The following CDCA2 variants were observed in gnomAD, a reference collection of about 807,000 sequenced individuals.
The protein encoded by CDCA2 is cell division cycle associated 2, also known as cell division cycle-associated protein 2.
A neutral mutation model predicts 67.0 loss-of-function variants in CDCA2; 44 were observed. The ratio of observed to expected loss-of-function variants is 0.66; its 90% CI spans 0.52 to 0.84. CDCA2 has a LOEUF of 0.84. Among genes scored for constraint, CDCA2 ranks in the 40% least tolerant of loss-of-function variants. The pLI is 0.00. For synonymous variants in CDCA2, 447 were observed against 418.7 expected, an observed-to-expected ratio of 1.07 and a Z score of -0.82; for missense variants, 1,253 against 1,203.2, an observed-to-expected ratio of 1.04 and a Z score of -0.61.
At chr8:25,472,722 T>A (rs921687845) in intron 7 of CDCA2, among the ~76,000 whole-genome samples, 4 of 152,316 alleles carry the variant, frequency 2.6e-5, no homozygotes, top group African/African-American at 7.2e-5. Flanking sequence ...ATTACTATTA[T>A]TTTTGAATGA....
chr8:25,484,241 C>T (rs1803680277), intron 10 of CDCA2, 31 bp downstream of exon 10: 1 of 1,606,108 alleles, frequency 6.2e-7, no homozygotes, highest in South Asian at 1.1e-5. Context: ...ACAAGCTTGC[C>T]ATATGTATTT....
rs760013190 is a variant in CDCA2, at chr8:25,466,206, C to T, written c.419C>T (p.Thr140Ile). The change falls in exon 5 of 15, where the codon ACT (threonine) becomes ATT (isoleucine). Residue 140 changes from threonine to isoleucine, a missense_variant. Coordinates refer to ENST00000330560, the MANE Select transcript of CDCA2 (RefSeq NM_152562.4). ...GSPALYRNVNTLRERISAFQS... is the reference protein window; with the variant it reads ...GSPALYRNVNILRERISAFQS... ...CCTGCACTGTATCGAAATGTTAACA[C>T]TTTAAGAGAACGAATATCAGCCTTC... is the stretch of plus-strand genomic sequence containing the variant. 36 of 1,611,334 alleles carry T rather than the reference C, an allele frequency of 2.2e-5. No homozygotes were observed. The highest frequency in any genetic ancestry group is 3.0e-5 in the Non-Finnish European group (35 of 1,179,434).
At chr8:25,487,424 C>T (rs895657126) in intron 12 of CDCA2, 90 bp downstream of exon 12, 1 of 850,792 alleles carries the variant, frequency 1.2e-6, no homozygotes, top group Non-Finnish European at 1.9e-6. Context: ...TGGGTGAAAT[C>T]TTAGTTTAAT....
Position 25,507,161 on chromosome 8 carries a change from G to A in CDCA2, c.2495G>A (p.Arg832His), listed in dbSNP as rs765086906. Reference sequence around the variant, plus strand: ...TGCAGAGACAGGAAAGATAGAAGACGTTCCATGTGTTATTCTGATGGTCGA... The same window carrying A: ...TGCAGAGACAGGAAAGATAGAAGACATTCCATGTGTTATTCTGATGGTCGA... ...VSCRDRKDRR[R>H]SMCYSDGRSL... is the part of the protein sequence containing the mutation. The change falls in exon 15 of 15, where the codon CGT becomes CAT. Residue 832 changes from arginine (R) to histidine (H), a missense_variant. Arg to His is a conservative substitution (Grantham distance 29). Transcript: ENST00000330560. 7.4e-6 allele frequency: 12 copies of A among 1,614,004 alleles called. No homozygotes were observed. Among genetic ancestry groups the A allele is most frequent in the African/African-American group, 2.7e-5 (2 of 74,904 alleles).
At chr8:25,488,287 G>A (rs180930457) in intron 12 of CDCA2, among the ~76,000 whole-genome samples, 39 of 152,182 alleles carry the variant, frequency 2.6e-4, no homozygotes, top group Non-Finnish European at 4.9e-4. Context: ...ATAAATTAAC[G>A]AATTCTTAAG....
At chr8:25,460,652 G>A (rs1802646517) in intron 3 of CDCA2, 98 bp downstream of exon 3, 18 of 1,304,892 alleles carry the variant, frequency 1.4e-5, no homozygotes, top group Non-Finnish European at 1.9e-5. Flanking sequence ...TCATATTTTA[G>A]GTACCTAAAT....
intron 13 of CDCA2, among the ~76,000 whole-genome samples, chr8:25,496,203 T>A (rs2117540160): frequency 1.3e-5 from 2 of 152,342 alleles, no homozygotes; most frequent in South Asian, 4.1e-4. Context: ...TCAAGGGACT[T>A]ACACTGACCA....
chr8:25,494,698 A>G (rs1366314556), intron 13 of CDCA2, among the ~76,000 whole-genome samples: 1 of 152,214 alleles, frequency 6.6e-6, no homozygotes, highest in Non-Finnish European at 1.5e-5. Context: ...GTCCCTTCCC[A>G]AATTTATATA....
Position 25,488,564 on chromosome 8 carries a change from G to A in CDCA2, c.1546G>A (p.Val516Ile). Residue 516 changes from valine to isoleucine, a missense_variant, in exon 13 of 15, where the codon GTT (valine) becomes ATT (isoleucine). Transcript: ENST00000330560. ...ACTTTCTTTATAGCAATTGGTCAGT[G>A]TTGTAGAAGAGAGTGTTTGCAACTT... ...TSNRRNQLVS[V>I]VEESVCNLLN... The A allele has an allele frequency of 6.2e-7, 1 of 1,609,434 alleles. No homozygotes were observed. Among genetic ancestry groups the A allele is most frequent in the Non-Finnish European group, 8.5e-7 (1 of 1,178,588 alleles).
At chr8:25,461,970 T>C (rs1802708996) in intron 3 of CDCA2, 84 bp from the exon 4 acceptor site, 6 of 1,334,098 alleles carry the variant, frequency 4.5e-6, no homozygotes, top group Middle Eastern at 1.9e-4. Context: ...GTTTTCTCTC[T>C]CAGGCTGGTA....
chr8:25,460,638 A>G, intron 3 of CDCA2, 84 bp downstream of exon 3: 1 of 1,410,464 alleles, frequency 7.1e-7, no homozygotes, highest in South Asian at 1.4e-5. Flanking sequence ...GTTTATACGT[A>G]CTGTCATATT....
chr8:25,487,057 C>T (rs1160267373), intron 11 of CDCA2, among the ~76,000 whole-genome samples, 189 bp from the exon 12 acceptor site: 1 of 136,232 alleles, frequency 7.3e-6, no homozygotes, highest in Admixed American at 8.1e-5. Flanking sequence ...TCTGAGTATC[C>T]AGTAAACTTA....
In CDCA2 at chr8:25,488,300, G is replaced by GT. The variant is rs1401267907; in HGVS notation, c.1534-246dup. On this transcript the variant is annotated intron_variant, in intron 12 of 14. Transcript: ENST00000330560. ...GAATAAATTAACGAATTCTTAAGCT[G>GT]TTTTTTCTTTCTTCCCTAATATAAT... Among the ~76,000 whole-genome samples the GT allele has an allele frequency of 2.0e-5, 3 of 152,112 alleles. 1 individual carries two copies. Among genetic ancestry groups the GT allele is most frequent in the Admixed American group, 2.0e-4 (3 of 15,284 alleles).
chr8:25,507,315 G>A lies in CDCA2; in HGVS notation c.2649G>A (p.Arg883=). The A allele has an allele frequency of 6.2e-7, 1 of 1,614,068 alleles. No homozygotes were observed. The highest frequency in any genetic ancestry group is 8.5e-7 in the Non-Finnish European group (1 of 1,180,010). ...LSDAIEQTFQ[R]RNSETKVRRS... ...ATGCCATTGAGCAAACCTTTCAGAGGAGAAATAGTGAAACCAAAGTGCGAC... is the reference window on the plus strand; with the variant it reads ...ATGCCATTGAGCAAACCTTTCAGAGAAGAAATAGTGAAACCAAAGTGCGAC... The change falls in exon 15 of 15, where the codon AGG becomes AGA. Residue 883 remains arginine (R), a synonymous_variant. Coordinates refer to ENST00000330560, the MANE Select transcript of CDCA2 (RefSeq NM_152562.4).
intron 14 of CDCA2, among the ~76,000 whole-genome samples, chr8:25,504,569 A>T (rs1378262827): frequency 6.6e-6 from 1 of 152,204 alleles, no homozygotes; most frequent in Non-Finnish European, 1.5e-5. Flanking sequence ...AATAGACTTG[A>T]GGATGAATGA....
In CDCA2 at chr8:25,507,413, C is replaced by A; in HGVS notation, c.2747C>A (p.Ser916Tyr). 1 of 1,613,968 alleles carries A rather than the reference C, an allele frequency of 6.2e-7. No homozygotes were observed. The highest frequency in any genetic ancestry group is 1.3e-5 in the African/African-American group (1 of 75,022). Residue 916 changes from serine to tyrosine, a missense_variant, in exon 15 of 15, where the codon TCC becomes TAC. Coordinates refer to ENST00000330560, the MANE Select transcript of CDCA2 (RefSeq NM_152562.4). ...ATTTCACTTCCACTTCCTTCCACTT[C>A]CCAAAAAGCCAAAAGAAGAACAATA... is the stretch of plus-strand genomic sequence containing the variant. ...VWISLPLPSTSQKAKRRTICT... is the reference protein window; with the variant it reads ...VWISLPLPSTYQKAKRRTICT...
intron 4 of CDCA2, among the ~76,000 whole-genome samples, chr8:25,463,901 C>T (rs978163862): frequency 3.3e-5 from 5 of 152,210 alleles, no homozygotes; most frequent in Non-Finnish European, 5.9e-5. Context: ...AAGGCCTTGG[C>T]CCTTGTTCTT....
chr8:25,466,250 A>G lies in CDCA2; in HGVS notation c.463A>G (p.Ile155Val), dbSNP rs1802896899. The change falls in exon 5 of 15, where the codon ATA becomes GTA. Residue 155 changes from isoleucine (I) to valine (V), a missense_variant. Coordinates refer to ENST00000330560, the MANE Select transcript of CDCA2 (RefSeq NM_152562.4). The stretch of plus-strand genomic sequence containing the variant: ...AGCCTTCCAGTCAGCTTTTCACTCC[A>G]TAAAGGAAAACGAGAAAATGACCGG... ...ISAFQSAFHS[I>V]KENEKMTGCL... 6.2e-7 allele frequency: 1 copy of G among 1,611,010 alleles called. No homozygotes were observed. Among genetic ancestry groups the G allele is most frequent in the African/African-American group, 1.3e-5 (1 of 74,858 alleles).
chr8:25,483,337 T>C, intron 8 of CDCA2, 62 bp from the exon 9 acceptor site: 1 of 1,087,438 alleles, frequency 9.2e-7, no homozygotes. Context: ...ACTGCTGTTC[T>C]TAATGATGAC....
Sources: gnomAD v4.1 joint callset for allele counts (sites outside exome capture counted in the v4.1 genomes callset) on GRCh38, gnomAD v4.1.1 for gene constraint, MANE v1.5 for transcripts, NCBI Gene and HGNC (gene_info 2026-07-23, HGNC 2026-07-21) for gene names.